Variants in SDR42E2 observed in about 807,000 individuals in gnomAD.
SDR42E2 encodes short chain dehydrogenase/reductase family 42E, member 2.
SDR42E2 carries 20 observed loss-of-function variants against 10.5 expected under a neutral mutation model. The observed-to-expected ratio is 1.90, with a 90% CI of 1.34 to 2.77. SDR42E2 has a LOEUF of 2.77. Ranked by LOEUF, SDR42E2 falls within the 30% of genes most tolerant of loss-of-function variation. The pLI is 0.00. For synonymous variants in SDR42E2, 72 were observed against 39.2 expected (o/e 1.84, Z -3.12); for missense variants, 162 against 104.2 (o/e 1.55, Z -2.42).
At chr16:22,164,197 T>C (rs1055441083) in intron 1 of SDR42E2, among the ~76,000 whole-genome samples, 12 of 151,918 alleles carry the variant, frequency 7.9e-5, no homozygotes, top group Non-Finnish European at 1.8e-4. Context: ...GGCAGGAGAA[T>C]TGCTTGAGTT....
chr16:22,176,753 A>G (rs1194926693), intron 7 of SDR42E2, among the ~76,000 whole-genome samples: 2 of 152,184 alleles, frequency 1.3e-5, no homozygotes, highest in Non-Finnish European at 2.9e-5. Context: ...CAAGACTGAC[A>G]TATGTCTGTG....
At chr16:22,185,171 TC>T (rs1173740257) in intron 11 of SDR42E2, among the ~76,000 whole-genome samples, 1 of 152,060 alleles carries the variant, frequency 6.6e-6, no homozygotes, top group Non-Finnish European at 1.5e-5. Context: ...TACAATGGCC[TC>T]CTCCCAGCTG....
chr16:22,189,473 T>C (rs1449551795), intron 12 of SDR42E2, among the ~76,000 whole-genome samples: 1 of 152,134 alleles, frequency 6.6e-6, no homozygotes, highest in African/African-American at 2.4e-5. Context: ...AGGTAGGGCA[T>C]AGAAAGGATT....
chr16:22,172,607 T>C (rs554934791), intron 7 of SDR42E2, among the ~76,000 whole-genome samples: 5 of 152,260 alleles, frequency 3.3e-5, no homozygotes, highest in Admixed American at 1.3e-4. Flanking sequence ...AACCCAAGTC[T>C]CTCTCTTTTC....
intron 10 of SDR42E2, among the ~76,000 whole-genome samples, chr16:22,183,142 TGA>T (rs1218539458): frequency 6.6e-6 from 1 of 152,070 alleles, no homozygotes; most frequent in Non-Finnish European, 1.5e-5. Context: ...TTCATTTTTT[TGA>T]GACAGTCTCA....
At chr16:22,189,828 G>A (rs1032284419) in intron 12 of SDR42E2, among the ~76,000 whole-genome samples, 4 of 152,164 alleles carry the variant, frequency 2.6e-5, no homozygotes, top group Non-Finnish European at 5.9e-5. Context: ...GTGCTAGGCC[G>A]GGAAGATGAG....
intron 3 of SDR42E2, 38 bp downstream of exon 3, chr16:22,166,472 G>C: frequency 2.5e-6 from 1 of 402,686 alleles, no homozygotes; most frequent in Non-Finnish European, 4.4e-6. Context: ...TGGGGCAGTG[G>C]TGATGGTCAG....
intron 5 of SDR42E2, among the ~76,000 whole-genome samples, chr16:22,169,912 G>T (rs1417552007): frequency 6.6e-6 from 1 of 151,640 alleles, no homozygotes; most frequent in Non-Finnish European, 1.5e-5. Flanking sequence ...GGTGCCTGCA[G>T]TCCCACCTAC....
At chr16:22,185,630 T>G (rs1349438650) in intron 11 of SDR42E2, among the ~76,000 whole-genome samples, 1 of 152,062 alleles carries the variant, frequency 6.6e-6, no homozygotes, top group Non-Finnish European at 1.5e-5. Context: ...TTTTTAGAGT[T>G]AGGGTCTTGC....
intron 8 of SDR42E2, among the ~76,000 whole-genome samples, chr16:22,178,999 G>C (rs922962789): frequency 1.3e-5 from 2 of 151,928 alleles, no homozygotes; most frequent in African/African-American, 4.8e-5. Context: ...TTGGCTATAT[G>C]TCTTTTTGTT....
intron 7 of SDR42E2, among the ~76,000 whole-genome samples, chr16:22,175,540 CT>C (rs759069697): frequency 3.5e-3 from 480 of 136,986 alleles, no homozygotes; most frequent in Middle Eastern, 3.6e-3. Context: ...ACACTCCTTC[CT>C]TTTTTTTTTT....
chr16:22,189,597 C>T (rs2046756952), intron 12 of SDR42E2, among the ~76,000 whole-genome samples: 1 of 152,160 alleles, frequency 6.6e-6, no homozygotes, highest in South Asian at 2.1e-4. Context: ...CAGCTTAGAC[C>T]CTGGAGAGCA....
chr16:22,182,700 C>T (rs1024578466), intron 10 of SDR42E2, among the ~76,000 whole-genome samples: 2 of 152,166 alleles, frequency 1.3e-5, no homozygotes, highest in Non-Finnish European at 2.9e-5. Flanking sequence ...GAAGATTTCA[C>T]GTCAAAAACC....
chr16:22,176,714 C>A (rs2046647552), intron 7 of SDR42E2, among the ~76,000 whole-genome samples: 1 of 152,234 alleles, frequency 6.6e-6, no homozygotes, highest in African/African-American at 2.4e-5. Flanking sequence ...TGAGCCACTG[C>A]TCCCAGCTAG....
chr16:22,190,553 C>G lies in SDR42E2; in HGVS notation c.*160C>G. The G allele has an allele frequency of 2.5e-6, 1 of 399,712 alleles. No individual in the cohort carries two copies. The highest frequency in any genetic ancestry group is 4.4e-5 in the Admixed American group (1 of 22,638). 24.8% of individuals were successfully genotyped at this position (399,712 alleles called of 1,614,324 possible). ...CACGCCCCCGAGCCGCTCTCCAGAC[C>G]TAGCCCGGACCGCCGACTTCTGGCC... On this transcript the variant is annotated 3_prime_UTR_variant, in exon 13 of 13. Coordinates refer to ENST00000602312, the MANE Select transcript of SDR42E2 (RefSeq NM_001394319.2).
At chr16:22,176,010 T>C (rs2046642048) in intron 7 of SDR42E2, among the ~76,000 whole-genome samples, 1 of 152,176 alleles carries the variant, frequency 6.6e-6, no homozygotes, top group African/African-American at 2.4e-5. Flanking sequence ...AAAAAGTCAT[T>C]TTAAATATTT....
In SDR42E2 at chr16:22,170,933, A is replaced by C. The variant is rs1021942925; in HGVS notation, c.495A>C (p.Pro165=). 1.1e-5 allele frequency: 8 copies of C among 702,924 alleles called. No homozygotes were observed. The highest frequency in any genetic ancestry group is 1.0e-4 in the African/African-American group (6 of 57,256). 43.5% of individuals were successfully genotyped at this position (702,924 alleles called of 1,614,324 possible). Residue 165 remains proline, a synonymous_variant, in exon 6 of 13, where the codon CCA becomes CCC. Transcript: ENST00000602312. ...PIEQGDEDSV[P]YFPLDEHVDH... ...AGCAGGGCGATGAGGACTCTGTGCC[A>C]TATTTCCCATTGGACGAGGTACCTG... is the stretch of plus-strand genomic sequence containing the variant.
intron 5 of SDR42E2, 86 bp downstream of exon 5, chr16:22,169,588 G>A (rs2046576670): frequency 1.4e-6 from 1 of 701,478 alleles, no homozygotes; most frequent in Admixed American, 2.0e-5. Flanking sequence ...CAGGGTGTAG[G>A]GTCAAAGGGA....
intron 11 of SDR42E2, among the ~76,000 whole-genome samples, chr16:22,185,396 T>C (rs551035393): frequency 6.6e-6 from 1 of 152,264 alleles, no homozygotes; most frequent in Non-Finnish European, 1.5e-5. Context: ...CCGCAGTGAT[T>C]GGTACTCCCG....
Sources: gnomAD v4.1 joint callset for allele counts (sites outside exome capture counted in the v4.1 genomes callset) on GRCh38, gnomAD v4.1.1 for gene constraint, MANE v1.5 for transcripts, NCBI Gene and HGNC (gene_info 2026-07-23, HGNC 2026-07-21) for gene names.